The following SPON2 variants were observed in gnomAD, a reference collection of about 807,000 sequenced individuals.
The protein encoded by SPON2 is spondin-2.
A neutral mutation model predicts 29.9 loss-of-function variants in SPON2; 32 were observed. The ratio of observed to expected loss-of-function variants is 1.07; its 90% CI spans 0.81 to 1.44. The LOEUF (loss-of-function observed/expected upper bound fraction) is 1.44. SPON2 is among the 40% of genes most tolerant of loss of function. The pLI is 0.00. For synonymous variants in SPON2, 248 were observed against 209.1 expected, an observed-to-expected ratio of 1.19 and a Z score of -1.61; for missense variants, 541 against 455.5, an observed-to-expected ratio of 1.19 and a Z score of -1.71.
exon 1 of SPON2, chr4:1,195,108 G>GCCTCAC (rs1728034193): frequency 2.7e-5 from 4 of 146,112 alleles, no homozygotes; most frequent in South Asian, 2.2e-4. Context: ...GCAGCCGGCG[G>GCCTCAC]CTCCAACCCC....
At chr4:1,172,104 C>T in intron 1 of SPON2, 30 bp from the exon 2 acceptor site, 2 of 1,592,012 alleles carry the variant, frequency 1.3e-6, no homozygotes, top group South Asian at 2.2e-5. Context: ...CAGCCGCGCG[C>T]TGGCACCGTC....
At chr4:1,168,518 C>T (rs554055706) in intron 5 of SPON2, among the ~76,000 whole-genome samples, 1 of 152,362 alleles carries the variant, frequency 6.6e-6, no homozygotes, top group East Asian at 1.9e-4. Context: ...TGGAGCAGCC[C>T]TCTCCAGAGA....
At chr4:1,167,894 G>A (rs560049068) in intron 5 of SPON2, 17 of 452,268 alleles carry the variant, frequency 3.8e-5, no homozygotes, top group Middle Eastern at 5.6e-4. Flanking sequence ...CGGAGCTGCC[G>A]CTCAAGTCCC....
At position 1,170,503 on chromosome 4, in the gene SPON2, G is replaced by A. The variant is rs766340613; in HGVS notation, c.710C>T (p.Ala237Val). Reference protein sequence around the residue: ...YPRLKALPPIARVTLVRLRQS... With the variant: ...YPRLKALPPIVRVTLVRLRQS... ...TCGCAGCCGCACCAGTGTCACCCTG[G>A]CGATGGGAGGCAGGGCCTTCAGCCG... is the stretch of plus-strand genomic sequence containing the variant. Residue 237 changes from alanine (A) to valine (V), a missense_variant, in exon 5 of 6, where the codon GCC (alanine) becomes GTC (valine). By Grantham distance (64) the Ala-to-Val change is moderately conservative (BLOSUM62 0). Transcript: ENST00000290902. 1.3e-5 allele frequency: 21 copies of A among 1,613,968 alleles called. No homozygotes were observed. The highest frequency in any genetic ancestry group is 1.5e-5 in the Non-Finnish European group (18 of 1,179,978).
chr4:1,178,985 G>T (rs56260775), intron 2 of SPON2, among the ~76,000 whole-genome samples: 8 of 152,254 alleles, frequency 5.3e-5, no homozygotes, highest in East Asian at 1.9e-4. Context: ...GAGCACTTCC[G>T]ATTGATTGGC....
intron 1 of SPON2, among the ~76,000 whole-genome samples, chr4:1,191,247 AC>A: frequency 6.6e-6 from 1 of 152,152 alleles, no homozygotes; most frequent in Non-Finnish European, 1.5e-5. Context: ...ACAGTATGGT[AC>A]TGGCTTAAGG....
intron 1 of SPON2, chr4:1,200,654 C>T (rs369592773): frequency 1.4e-5 from 5 of 366,830 alleles, no homozygotes; most frequent in Admixed American, 3.3e-5. Flanking sequence ...TAGCAGGAAG[C>T]TGGGCAGCCA....
intron 1 of SPON2, among the ~76,000 whole-genome samples, chr4:1,186,311 T>G (rs1437077909): frequency 1.3e-5 from 2 of 151,686 alleles, no homozygotes; most frequent in Non-Finnish European, 2.9e-5. Flanking sequence ...GAAAATGTTT[T>G]TTTTTTTTTT....
intron 1 of SPON2, among the ~76,000 whole-genome samples, chr4:1,188,788 C>T (rs1727850485): frequency 6.6e-6 from 1 of 152,034 alleles, no homozygotes; most frequent in Non-Finnish European, 1.5e-5. Context: ...GACAGAAAAT[C>T]AAAAGTCAGT....
At position 1,171,364 on chromosome 4, in the gene SPON2, C is replaced by A. The variant is rs753884153; in HGVS notation, c.343G>T (p.Glu115Ter). ...ALMKEIEAAGEALQSVHAVFS... is the reference protein window; with the variant it reads ...ALMKEIEAAG ...ACCGCGTGCACGCTCTGCAGCGCCT[C>A]CCCCGCCGCCTCGATCTCCTTCATC... Residue 115 changes from glutamate to a stop codon, truncating the protein, a stop_gained, in exon 3 of 6, where the codon GAG becomes TAG. Coordinates refer to ENST00000290902, the MANE Select transcript of SPON2 (RefSeq NM_012445.4). LOFTEE classifies it high-confidence loss of function. 2 of 1,610,950 alleles carry A rather than the reference C, an allele frequency of 1.2e-6. No homozygotes were observed. The highest frequency in any genetic ancestry group is 8.5e-7 in the Non-Finnish European group (1 of 1,179,162).
chr4:1,201,931 C>T (rs894770898), intron 1 of SPON2, among the ~76,000 whole-genome samples: 19 of 152,180 alleles, frequency 1.2e-4, no homozygotes, highest in African/African-American at 3.9e-4. Flanking sequence ...ACCTGGCTCC[C>T]GCAAAACAGC....
chr4:1,172,350 G>A (rs1727487174), intron 1 of SPON2, 194 bp downstream of exon 1: 2 of 550,026 alleles, frequency 3.6e-6, no homozygotes, highest in South Asian at 4.2e-5. Flanking sequence ...GTCTGGGTGC[G>A]GCCTCCGGGA....
Position 1,167,521 on chromosome 4 carries a change from C to T in SPON2, c.947G>A (p.Cys316Tyr), listed in dbSNP as rs750785275. Residue 316 changes from cysteine (C) to tyrosine (Y), a missense_variant, in exon 6 of 6, where the codon TGC becomes TAC. Physicochemically the swap from Cys to Tyr is radical, Grantham distance 194. Coordinates refer to ENST00000290902, the MANE Select transcript of SPON2 (RefSeq NM_012445.4). ...RVQPANNGSP[C>Y]PELEEEAECV... ...CTCAGCCTCTTCTTCGAGCTCGGGG[C>T]AGGGGCTCCCGTTGTTGGCGGGCTG... The T allele has an allele frequency of 1.9e-5, 31 of 1,613,710 alleles. No individual in the cohort carries two copies. Among genetic ancestry groups the T allele is most frequent in the Non-Finnish European group, 2.5e-5 (30 of 1,180,004 alleles).
chr4:1,172,243 G>T, intron 1 of SPON2, 169 bp from the exon 2 acceptor site: 1 of 633,516 alleles, frequency 1.6e-6, no homozygotes, highest in South Asian at 1.9e-5. Context: ...CCCCATCAGC[G>T]GAATGGACGG....
Position 1,171,481 on chromosome 4 carries a change from C to G in SPON2, c.226G>C (p.Ala76Pro). Residue 76 changes from alanine (A) to proline (P), a missense_variant, in exon 3 of 6, where the codon GCG becomes CCG. Physicochemically the swap from Ala to Pro is conservative, Grantham distance 27. Coordinates refer to ENST00000290902, the MANE Select transcript of SPON2 (RefSeq NM_012445.4). ...CACATGCTGTAGTCGGAGCTATGCGCGGCCCCTGCAGGACCACCCGGCCGC... is the reference window on the plus strand; with the variant it reads ...CACATGCTGTAGTCGGAGCTATGCGGGGCCCCTGCAGGACCACCCGGCCGC... The part of the protein sequence containing the change: ...PAQWSSLLGA[A>P]HSSDYSMWRK... The G allele has an allele frequency of 6.2e-7, 1 of 1,611,278 alleles. No homozygotes were observed. The highest frequency in any genetic ancestry group is 1.1e-5 in the South Asian group (1 of 91,044).
chr4:1,189,378 C>T (rs185078370), intron 1 of SPON2, among the ~76,000 whole-genome samples: 118 of 151,798 alleles, frequency 7.8e-4, no homozygotes, highest in Non-Finnish European at 1.5e-3. Context: ...TAAAACAGAC[C>T]GGGTATGGTG....
chr4:1,174,486 CAA>C (rs59532169), upstream of SPON2, among the ~76,000 whole-genome samples: 82 of 94,242 alleles, frequency 8.7e-4, 1 homozygote, highest in South Asian at 2.7e-3. Flanking sequence ...GACTCCATCT[CAA>C]AAAAAAAAAA....
chr4:1,208,816 C>A, upstream of SPON2: 1 of 152,564 alleles, frequency 6.6e-6, no homozygotes, highest in Non-Finnish European at 1.5e-5. Flanking sequence ...GCACCCGTGC[C>A]CTCGATCACA....
At chr4:1,186,895 T>C (rs1375557391) in intron 1 of SPON2, among the ~76,000 whole-genome samples, 3 of 152,144 alleles carry the variant, frequency 2.0e-5, no homozygotes, top group Non-Finnish European at 4.4e-5. Flanking sequence ...GGCAAGGATG[T>C]GGAGAATCTG....
Sources: allele counts gnomAD v4.1 joint callset (sites outside exome capture counted in the v4.1 genomes callset), GRCh38; gene constraint gnomAD v4.1.1; transcripts MANE v1.5; gene names NCBI Gene and HGNC (gene_info 2026-07-23, HGNC 2026-07-21).